NUP35: variants seen among roughly 807,000 people sequenced by gnomAD.
The protein encoded by NUP35 is nucleoporin 35, also known as nucleoporin NUP35.
In NUP35, 25 loss-of-function variants were observed where a neutral mutation model predicts 41.5. That is an observed-to-expected ratio of 0.60 (90% CI 0.44 to 0.84). The LOEUF is 0.84. NUP35 is among the 40% of genes least tolerant of loss of function. The pLI is 0.00. For synonymous variants in NUP35, 149 were observed against 130.7 expected, an observed-to-expected ratio of 1.14 and a Z score of -0.96; for missense variants, 396 against 396.6, an observed-to-expected ratio of 1.00 and a Z score of 0.01.
intron 4 of NUP35, among the ~76,000 whole-genome samples, chr2:183,135,757 G>A (rs1306877231): frequency 6.6e-6 from 1 of 152,074 alleles, no homozygotes; most frequent in African/African-American, 2.4e-5. Flanking sequence ...CCAGCTACTC[G>A]GAAGGCTGAG....
chr2:183,154,854 A>T (rs1030549317), intron 5 of NUP35, among the ~76,000 whole-genome samples: 5 of 152,182 alleles, frequency 3.3e-5, no homozygotes, highest in African/African-American at 9.6e-5. Context: ...TACCTGAGAC[A>T]GGGAAGAAAA....
In NUP35 at chr2:183,124,472, A is replaced by G. The variant is rs771076353; in HGVS notation, c.15A>G (p.Ala5=). 3.7e-6 allele frequency: 6 copies of G among 1,614,144 alleles called. No homozygotes were observed. The South Asian group carries it at 4.4e-5, about 12-fold the overall frequency. ...TTGCCGACGCAATGGCAGCCTTTGC[A>G]GTGGAACCTCAGGGGCCCGCGTTAG... MAAF[A]VEPQGPALGS... is the part of the protein sequence containing the mutation. The change falls in exon 1 of 9, where the codon GCA becomes GCG. Residue 5 remains alanine (A), a synonymous_variant. Coordinates refer to ENST00000295119, the MANE Select transcript of NUP35 (RefSeq NM_138285.5).
At chr2:183,134,229 A>G (rs926138909) in intron 4 of NUP35, among the ~76,000 whole-genome samples, 1 of 152,222 alleles carries the variant, frequency 6.6e-6, no homozygotes, top group African/African-American at 2.4e-5. Flanking sequence ...TTCAGCAAAT[A>G]TTTGAGCACC....
intron 4 of NUP35, among the ~76,000 whole-genome samples, chr2:183,141,855 T>C (rs1685108259): frequency 6.6e-6 from 1 of 152,228 alleles, no homozygotes; most frequent in Non-Finnish European, 1.5e-5. Flanking sequence ...CTTGCATGTT[T>C]GTAGTGTTGA....
Position 183,130,420 on chromosome 2 carries a change from G to C in NUP35, c.214G>C (p.Gly72Arg). Residue 72 changes from glycine (G) to arginine (R), a missense_variant and splice_region_variant, in exon 3 of 9, where the codon GGG (glycine) becomes CGG (arginine). Coordinates refer to ENST00000295119, the MANE Select transcript of NUP35 (RefSeq NM_138285.5). ...TTTTTTTTTTTTGTACACTGTAGGTGGGTCACCACCACAACCAGTTGTACC... is the reference window on the plus strand; with the variant it reads ...TTTTTTTTTTTTGTACACTGTAGGTCGGTCACCACCACAACCAGTTGTACC... ...MEMRSPLLAG[G>R]SPPQPVVPAH... 6.3e-7 allele frequency: 1 copy of C among 1,580,358 alleles called. No individual in the cohort carries two copies. The highest frequency in any genetic ancestry group is 8.6e-7 in the Non-Finnish European group (1 of 1,164,806).
intron 4 of NUP35, among the ~76,000 whole-genome samples, chr2:183,147,020 T>C (rs1222084020): frequency 6.6e-6 from 1 of 152,242 alleles, no homozygotes; most frequent in Non-Finnish European, 1.5e-5. Flanking sequence ...GTTGGTCACC[T>C]GCATGTCTTC....
chr2:183,157,337 G>A (rs1297195590), intron 5 of NUP35, 107 bp from the exon 6 acceptor site: 1 of 845,188 alleles, frequency 1.2e-6, no homozygotes, highest in Non-Finnish European at 2.0e-6. Flanking sequence ...TCCTGTTAAC[G>A]TTCTAGACAG....
chr2:183,117,965 C>T (rs962895758), intron 1 of NUP35, among the ~76,000 whole-genome samples: 2 of 152,156 alleles, frequency 1.3e-5, no homozygotes, highest in Admixed American at 1.3e-4. Flanking sequence ...GTACTCCAAA[C>T]CAAGTATTTC....
chr2:183,153,527 A>C (rs1436824259), intron 5 of NUP35, among the ~76,000 whole-genome samples: 4 of 152,200 alleles, frequency 2.6e-5, no homozygotes, highest in African/African-American at 7.2e-5. Flanking sequence ...ATGCAAGTTC[A>C]AAATCCAGAG....
Position 183,158,322 on chromosome 2 carries a change from T to G in NUP35, c.649T>G (p.Ser217Ala). Residue 217 changes from serine (S) to alanine (A), a missense_variant, in exon 7 of 9, where the codon TCT becomes GCT. Physicochemically the swap from Ser to Ala is moderately conservative, Grantham distance 99. Coordinates refer to ENST00000295119, the MANE Select transcript of NUP35 (RefSeq NM_138285.5). ...TGNWMHIRYQ[S>A]KLQARKALSK... ...AAATTGGATGCATATTCGTTATCAA[T>G]CTAAACTGCAGGCTCGGAAAGCCTT... The G allele has an allele frequency of 1.2e-6, 2 of 1,608,072 alleles. No homozygotes were observed. The highest frequency in any genetic ancestry group is 1.7e-6 in the Non-Finnish European group (2 of 1,176,222).
chr2:183,157,902 T>TA (rs1685727880), intron 6 of NUP35, among the ~76,000 whole-genome samples: 1 of 152,140 alleles, frequency 6.6e-6, no homozygotes, highest in Non-Finnish European at 1.5e-5. Context: ...CTCTAAAATT[T>TA]AAAAAATTAT....
Position 183,130,564 on chromosome 2 carries a change from T to C in NUP35, c.339+19T>C, listed in dbSNP as rs1341650687. 4.4e-6 allele frequency: 7 copies of C among 1,608,976 alleles called. No homozygotes were observed. The African/African-American group carries it at 9.4e-5, about 22-fold the overall frequency. ...AAGACAGGTAATATAAATACCCTTT[T>C]GATCCCCAATGAACAACATCATGGT... On this transcript the variant is annotated intron_variant, in intron 3 of 8. Transcript: ENST00000295119.
intron 4 of NUP35, among the ~76,000 whole-genome samples, chr2:183,145,323 G>C (rs547545182): frequency 4.6e-5 from 7 of 152,312 alleles, no homozygotes; most frequent in African/African-American, 1.4e-4. Flanking sequence ...AAGAGTTTCA[G>C]ATTTTGGAAT....
At position 183,161,197 on chromosome 2, in the gene NUP35, T is replaced by C; in HGVS notation, c.*66T>C. 1 of 1,183,738 alleles carries C rather than the reference T, an allele frequency of 8.4e-7. No individual in the cohort carries two copies. Among genetic ancestry groups the C allele is most frequent in the South Asian group, 1.3e-5 (1 of 76,614 alleles). The allele number at this position is 1,183,738 out of a possible 1,614,324, so 73.3% of individuals were successfully genotyped here. ...AGCAGAGTGCTGCTGGTTCCTTCGGTTAGTTATATAACTGTTCCTGCAGTA... is the reference window on the plus strand; with the variant it reads ...AGCAGAGTGCTGCTGGTTCCTTCGGCTAGTTATATAACTGTTCCTGCAGTA... On this transcript the variant is annotated 3_prime_UTR_variant, in exon 9 of 9. Coordinates refer to ENST00000295119, the MANE Select transcript of NUP35 (RefSeq NM_138285.5).
chr2:183,156,618 T>C (rs969773242), intron 5 of NUP35, among the ~76,000 whole-genome samples: 3 of 152,128 alleles, frequency 2.0e-5, no homozygotes, highest in Non-Finnish European at 4.4e-5. Context: ...TGGTTGGTAT[T>C]ACAGGTGTGA....
Position 183,133,643 on chromosome 2 carries a change from T to G in NUP35, c.397+20T>G. 1 of 1,539,748 alleles carries G rather than the reference T, an allele frequency of 6.5e-7. No homozygotes were observed. On this transcript the variant is annotated intron_variant, in intron 4 of 8. Transcript: ENST00000295119. ...GAACAGGTAAGTGATTCTTTCTTTT[T>G]TTTTTTTTTTTTAAAAGACAGGGTC...
chr2:183,142,937 A>C (rs567552692), intron 4 of NUP35, among the ~76,000 whole-genome samples: 16 of 151,988 alleles, frequency 1.1e-4, no homozygotes, highest in Admixed American at 9.8e-4. Context: ...TGGGTGGGTC[A>C]CGAGATCAGG....
At chr2:183,156,646 C>T (rs1685676324) in intron 5 of NUP35, among the ~76,000 whole-genome samples, 1 of 151,916 alleles carries the variant, frequency 6.6e-6, no homozygotes, top group Non-Finnish European at 1.5e-5. Context: ...TGCCCAGCCT[C>T]ACATAGATTT....
chr2:183,126,812 A>G lies in NUP35; in HGVS notation c.41-1475A>G, dbSNP rs1684508022. 2.0e-5 allele frequency among the ~76,000 whole-genome samples: 3 copies of G among 152,308 alleles called. No individual in the cohort carries two copies. The South Asian group carries it at 6.2e-4, about 32-fold the overall frequency. On this transcript the variant is annotated intron_variant, in intron 1 of 8. Transcript: ENST00000295119. ...TAAAAAACCATACAAATAACATAGCAAACATTTGACCCTTCTGAGTGCAAT... is the reference window on the plus strand; with the variant it reads ...TAAAAAACCATACAAATAACATAGCGAACATTTGACCCTTCTGAGTGCAAT...
Sources: gnomAD v4.1 joint callset for allele counts (sites outside exome capture counted in the v4.1 genomes callset) on GRCh38, gnomAD v4.1.1 for gene constraint, MANE v1.5 for transcripts, NCBI Gene and HGNC (gene_info 2026-07-23, HGNC 2026-07-21) for gene names.